The following CCND3 variants were observed in gnomAD, a reference collection of about 807,000 sequenced individuals.
CCND3 encodes the protein cyclin D3, also known as G1/S-specific cyclin-D3.
A neutral mutation model predicts 28.7 loss-of-function variants in CCND3; 9 were observed. That is an observed-to-expected ratio of 0.31 (90% confidence interval 0.19 to 0.55). The LOEUF (loss-of-function observed/expected upper bound fraction) is 0.55, where lower values mean the gene tolerates loss of function less well. Among genes scored for constraint, CCND3 ranks in the 20% least tolerant of loss-of-function variants. The pLI, the probability that CCND3 is intolerant of heterozygous loss-of-function variation, is 0.93. For missense variants in CCND3, 315 were observed against 385.8 expected (o/e 0.82, Z 1.54); for synonymous variants, 164 against 163.9 (o/e 1.00, Z 0.00).
chr6:41,976,359 A>G (rs1190164566), intron 1 of CCND3, among the ~76,000 whole-genome samples: 2 of 151,502 alleles, frequency 1.3e-5, no homozygotes, highest in African/African-American at 2.4e-5. Context: ...CAAAAAAAGA[A>G]AAAAAAAATT....
chr6:42,042,004 G>C (rs2127441295), intron 1 of CCND3, among the ~76,000 whole-genome samples: 1 of 152,332 alleles, frequency 6.6e-6, no homozygotes. Flanking sequence ...ACAAGAGGGA[G>C]GGTGAGTTGG....
chr6:42,040,280 T>C (rs1237729343), intron 1 of CCND3, among the ~76,000 whole-genome samples: 1 of 152,020 alleles, frequency 6.6e-6, no homozygotes, highest in African/African-American at 2.4e-5. Flanking sequence ...TAGCTGGGCA[T>C]GGTGGTGGGA....
At chr6:42,024,543 G>T (rs954658932) in intron 1 of CCND3, among the ~76,000 whole-genome samples, 6 of 152,144 alleles carry the variant, frequency 3.9e-5, no homozygotes, top group African/African-American at 1.2e-4. Context: ...GATGAGGAGG[G>T]TCCCTCTCCT....
intron 1 of CCND3, among the ~76,000 whole-genome samples, chr6:42,016,475 G>A (rs1763515283): frequency 6.6e-6 from 1 of 151,952 alleles, no homozygotes; most frequent in Non-Finnish European, 1.5e-5. Context: ...GATAATAATA[G>A]CTCCTACCTC....
chr6:41,946,769 G>A (rs1213877323), upstream of CCND3, among the ~76,000 whole-genome samples: 2 of 151,980 alleles, frequency 1.3e-5, no homozygotes, highest in East Asian at 1.9e-4. Context: ...CTCTTTGCTT[G>A]TCCATTCCTA....
At chr6:42,017,510 A>G (rs1179036004) in intron 1 of CCND3, among the ~76,000 whole-genome samples, 3 of 152,166 alleles carry the variant, frequency 2.0e-5, no homozygotes, top group Non-Finnish European at 4.4e-5. Context: ...GGCTTCCTTG[A>G]CTGCATCCCC....
chr6:42,017,612 G>A (rs1763561585), intron 1 of CCND3, among the ~76,000 whole-genome samples: 1 of 152,172 alleles, frequency 6.6e-6, no homozygotes. Context: ...TCAGGTTGTG[G>A]GGTCCCAATC....
At chr6:42,002,439 C>A (rs377555038) in intron 1 of CCND3, among the ~76,000 whole-genome samples, 157 of 140,260 alleles carry the variant, frequency 1.1e-3, no homozygotes, top group African/African-American at 1.3e-3. Context: ...GACTCCATCT[C>A]AAAAAAAAAA....
chr6:41,989,379 T>C (rs1465421131), intron 1 of CCND3, among the ~76,000 whole-genome samples: 2 of 138,378 alleles, frequency 1.4e-5, no homozygotes, highest in Non-Finnish European at 3.0e-5. Context: ...CGCTTGAACC[T>C]GGGAGATGGA....
At position 42,048,703 on chromosome 6, in the gene CCND3, G is replaced by A. The variant is rs770515204; in HGVS notation, c.-248C>T. 1.9e-6 allele frequency: 1 copy of A among 515,540 alleles called. No homozygotes were observed. Among genetic ancestry groups the A allele is most frequent in the Non-Finnish European group, 3.9e-6 (1 of 258,586 alleles). The allele number at this position is 515,540 out of a possible 1,614,324, so 31.9% of individuals were successfully genotyped here. ...GCGAAGTGTTTACAAAGTCCGCGCC[G>A]CGCCGCCGATCCAGAGCTGGGCAGG... On this transcript the variant is annotated 5_prime_UTR_variant, in exon 1 of 5. Coordinates refer to the CCND3 transcript ENST00000372988. This position sits in a 1 kb window ranked among gnomAD's most constrained non-coding sequence, Gnocchi z 4.7.
At chr6:41,982,337 G>GA (rs901408271) in intron 1 of CCND3, among the ~76,000 whole-genome samples, 2 of 150,830 alleles carry the variant, frequency 1.3e-5, no homozygotes, top group African/African-American at 4.9e-5. Flanking sequence ...AATTTGAAAT[G>GA]AAAAACGCAT....
chr6:41,943,935 G>A (rs1422396898), upstream of CCND3, among the ~76,000 whole-genome samples: 1 of 152,022 alleles, frequency 6.6e-6, no homozygotes, highest in Non-Finnish European at 1.5e-5. Context: ...ACCTCTCAAA[G>A]ATATTAACCC....
At chr6:42,001,915 G>A (rs1763022661) in intron 1 of CCND3, among the ~76,000 whole-genome samples, 1 of 150,142 alleles carries the variant, frequency 6.7e-6, no homozygotes, top group Admixed American at 6.8e-5. Context: ...AGGAGTTCAA[G>A]ACCAGCCTGG....
chr6:42,040,119 T>C (rs924878493), intron 1 of CCND3, among the ~76,000 whole-genome samples: 1 of 152,212 alleles, frequency 6.6e-6, no homozygotes, highest in Non-Finnish European at 1.5e-5. Flanking sequence ...GTGCACACAG[T>C]GTGCATGAAA....
chr6:41,958,928 T>C (rs1761617578), intron 1 of CCND3, among the ~76,000 whole-genome samples: 1 of 152,208 alleles, frequency 6.6e-6, no homozygotes, highest in South Asian at 2.1e-4. Context: ...CTCAAAATGT[T>C]CAATAGAGTT....
chr6:41,957,747 G>C (rs1406024624), intron 1 of CCND3, among the ~76,000 whole-genome samples: 1 of 152,142 alleles, frequency 6.6e-6, no homozygotes, highest in Non-Finnish European at 1.5e-5. Flanking sequence ...TCTCTGCTCA[G>C]GCAATTCCCC....
At chr6:41,997,525 TCCTC>T (rs1762844918) in intron 1 of CCND3, among the ~76,000 whole-genome samples, 2 of 152,100 alleles carry the variant, frequency 1.3e-5, no homozygotes, top group African/African-American at 4.8e-5. Context: ...AATGGCCTCT[TCCTC>T]ATTTAAGAGG....
intron 1 of CCND3, among the ~76,000 whole-genome samples, chr6:41,973,973 A>C (rs572526272): frequency 8.5e-5 from 13 of 152,342 alleles, no homozygotes; most frequent in Non-Finnish European, 1.2e-4. Context: ...ACCTGAGGTC[A>C]AGACTTCGAG....
intron 1 of CCND3, among the ~76,000 whole-genome samples, chr6:42,006,136 C>T (rs1474517563): frequency 6.6e-6 from 1 of 151,884 alleles, no homozygotes; most frequent in African/African-American, 2.4e-5. Flanking sequence ...CGTGGCACTA[C>T]AGCCTGAGTG....
Sources: allele counts gnomAD v4.1 joint callset (sites outside exome capture counted in the v4.1 genomes callset), GRCh38; gene constraint gnomAD v4.1.1; non-coding constraint Gnocchi (gnomAD v3.1); transcripts MANE v1.5; gene names NCBI Gene and HGNC (gene_info 2026-07-23, HGNC 2026-07-21).